Variants in DLG1 observed in about 807,000 individuals in gnomAD.
DLG1 encodes disks large homolog 1.
Under a neutral mutation model 123.4 loss-of-function variants are expected in DLG1, and 42 were observed. The observed-to-expected ratio is 0.34, with a 90% CI of 0.27 to 0.44. The LOEUF (loss-of-function observed/expected upper bound fraction) is 0.44, where lower values mean the gene tolerates loss of function less well. Ranked by LOEUF, DLG1 falls within the 20% of genes least tolerant of loss-of-function variation. The pLI is 1.00. For missense variants in DLG1, 942 were observed against 1,082.6 expected (o/e 0.87, Z 1.82); for synonymous variants, 317 against 356.2 (o/e 0.89, Z 1.24).
intron 13 of DLG1, among the ~76,000 whole-genome samples, chr3:197,113,782 A>T (rs1432567100): frequency 6.6e-6 from 1 of 152,198 alleles, no homozygotes; most frequent in African/African-American, 2.4e-5. Flanking sequence ...GATAAGATAT[A>T]GTTAAGATAC....
At chr3:197,127,882 T>C (rs187299127) in intron 11 of DLG1, among the ~76,000 whole-genome samples, 15 of 148,308 alleles carry the variant, frequency 1.0e-4, no homozygotes, top group African/African-American at 3.2e-4. Flanking sequence ...AAAAATACAA[T>C]GTACAGGCCT....
At chr3:197,188,212 C>G (rs1470702501) in intron 5 of DLG1, among the ~76,000 whole-genome samples, 3 of 152,184 alleles carry the variant, frequency 2.0e-5, no homozygotes, top group Non-Finnish European at 4.4e-5. Flanking sequence ...TCTACAGTTT[C>G]TTGTGATTGT....
At chr3:197,241,751 G>A (rs1332162667) in intron 4 of DLG1, among the ~76,000 whole-genome samples, 3 of 152,124 alleles carry the variant, frequency 2.0e-5, no homozygotes, top group Non-Finnish European at 4.4e-5. Flanking sequence ...CTATTCTTTT[G>A]TGATCTAAGA....
chr3:197,273,387 G>A (rs913870265), intron 4 of DLG1, among the ~76,000 whole-genome samples: 6 of 151,618 alleles, frequency 4.0e-5, no homozygotes, highest in Admixed American at 1.3e-4. Context: ...ACAGGTGCCC[G>A]CCACAACAAC....
chr3:197,294,511 A>G (rs1280378596), intron 3 of DLG1, among the ~76,000 whole-genome samples: 1 of 152,108 alleles, frequency 6.6e-6, no homozygotes, highest in East Asian at 1.9e-4. Context: ...ATAAAAAATT[A>G]GCCGGACGTG....
At position 197,298,586 on chromosome 3, in the gene DLG1, G is replaced by A. The variant is rs1428120392; in HGVS notation, c.-82C>T. ...CAGTGCCGTTTCCAACTCCGCGGCA[G>A]AGACAGCGCCTGGCGACCCCGGGGG... On this transcript the variant is annotated 5_prime_UTR_variant, in exon 1 of 25. Transcript: ENST00000667157. The A allele has an allele frequency of 2.5e-6, 1 of 398,240 alleles. No homozygotes were observed. Among genetic ancestry groups the A allele is most frequent in the African/African-American group, 2.1e-5 (1 of 48,580 alleles). The allele number at this position is 398,240 out of a possible 1,614,324, so 24.7% of individuals were successfully genotyped here. A position where few individuals can be genotyped will look rare whatever the true frequency, so the allele number is the denominator to read the frequency against.
chr3:197,082,773 C>T (rs1299580349), intron 16 of DLG1, among the ~76,000 whole-genome samples: 1 of 152,142 alleles, frequency 6.6e-6, no homozygotes, highest in African/African-American at 2.4e-5. Context: ...TTCTGCAATG[C>T]TACTCATGAA....
chr3:197,066,832 A>G, intron 19 of DLG1, 78 bp from the exon 20 acceptor site: 1 of 944,730 alleles, frequency 1.1e-6, no homozygotes, highest in African/African-American at 1.7e-5. Context: ...AACAACATAT[A>G]CATTACTAGA....
intron 3 of DLG1, among the ~76,000 whole-genome samples, chr3:197,288,893 A>G (rs997488184): frequency 1.8e-4 from 27 of 152,224 alleles, no homozygotes; most frequent in African/African-American, 5.3e-4. Flanking sequence ...CAACTGCAGT[A>G]TATCTCCCCT....
In DLG1 at chr3:197,067,844, G is replaced by A. The variant is rs367756460; in HGVS notation, c.2048-1090C>T. 9.9e-5 allele frequency among the ~76,000 whole-genome samples: 15 copies of A among 152,184 alleles called. 1 individual carries two copies. Among genetic ancestry groups the A allele is most frequent in the African/African-American group, 3.1e-4 (13 of 41,524 alleles). ...AGTGCTGGGATTACAGGCGTGAGCC[G>A]CCGCGCCCGGCCAAAAACTCTAGGA... On this transcript the variant is annotated intron_variant, in intron 19 of 24. Transcript: ENST00000667157.
At chr3:197,059,353 T>C (rs1734188241) in intron 23 of DLG1, among the ~76,000 whole-genome samples, 1 of 152,236 alleles carries the variant, frequency 6.6e-6, no homozygotes, top group Non-Finnish European at 1.5e-5. Flanking sequence ...TCCCATAGCC[T>C]AATTTTTAAG....
intron 15 of DLG1, among the ~76,000 whole-genome samples, chr3:197,086,812 G>T (rs1754659311): frequency 6.6e-6 from 1 of 152,034 alleles, no homozygotes; most frequent in Non-Finnish European, 1.5e-5. Context: ...AGAAAATAAA[G>T]TACCTTAAGA....
At position 197,296,349 on chromosome 3, in the gene DLG1, T is replaced by A; in HGVS notation, c.148A>T (p.Ile50Leu). The A allele has an allele frequency of 6.2e-7, 1 of 1,613,198 alleles. No homozygotes were observed. The highest frequency in any genetic ancestry group is 2.2e-5 in the East Asian group (1 of 44,834). ...IFQSNLFQAL[I>L]DIQEFYEVTL... is the part of the protein sequence containing the mutation. ...GTTACGAAGTTTTAATTCCCACCTATTAAAGCCTGAAAGAGGTTGCTCTGA... is the reference window on the plus strand; with the variant it reads ...GTTACGAAGTTTTAATTCCCACCTAATAAAGCCTGAAAGAGGTTGCTCTGA... Residue 50 changes from isoleucine (I) to leucine (L), a missense_variant, in exon 3 of 25, where the codon ATA becomes TTA. Transcript: ENST00000667157.
At chr3:197,227,467 T>TC (rs1167205181) in intron 4 of DLG1, among the ~76,000 whole-genome samples, 1 of 149,936 alleles carries the variant, frequency 6.7e-6, no homozygotes, top group Non-Finnish European at 1.5e-5. Context: ...AGAGTGAGAC[T>TC]CCATCTCAAA....
chr3:197,130,047 A>T (rs988470447), intron 11 of DLG1, among the ~76,000 whole-genome samples: 1 of 152,206 alleles, frequency 6.6e-6, no homozygotes, highest in Non-Finnish European at 1.5e-5. Context: ...TGAAGAAAAA[A>T]GGTGCTGATA....
rs115223703 is a variant in DLG1, at chr3:197,209,998, A to T, written c.319-15409T>A. On this transcript the variant is annotated intron_variant, in intron 4 of 24. Transcript: ENST00000667157. ...GACAAATGGAAACTCCTCATTTGGA[A>T]ATTTTCTGGACTTTTATCTCTCCCA... 2.4e-3 allele frequency among the ~76,000 whole-genome samples: 358 copies of T among 146,380 alleles called. 9 individuals carry two copies. Among genetic ancestry groups the T allele is most frequent in the African/African-American group, 8.4e-3 (346 of 41,238 alleles).
At chr3:197,045,782 T>A (rs1487686938) in intron 24 of DLG1, among the ~76,000 whole-genome samples, 1 of 152,046 alleles carries the variant, frequency 6.6e-6, no homozygotes, top group Non-Finnish European at 1.5e-5. Flanking sequence ...ATGAAATAAT[T>A]GAGAATTGCA....
At chr3:197,075,525 T>TA (rs1303369584) in intron 18 of DLG1, among the ~76,000 whole-genome samples, 2 of 151,906 alleles carry the variant, frequency 1.3e-5, no homozygotes, top group African/African-American at 4.8e-5. Context: ...AGGGTACATT[T>TA]AAAAAAATCT....
At chr3:197,190,967 G>A (rs946344357) in intron 5 of DLG1, among the ~76,000 whole-genome samples, 7 of 152,092 alleles carry the variant, frequency 4.6e-5, no homozygotes, top group African/African-American at 9.7e-5. Context: ...CCGAGATCGC[G>A]CCACTGCACT....
Sources: gnomAD v4.1 joint callset for allele counts (sites outside exome capture counted in the v4.1 genomes callset) on GRCh38, gnomAD v4.1.1 for gene constraint, MANE v1.5 for transcripts, NCBI Gene and HGNC (gene_info 2026-07-23, HGNC 2026-07-21) for gene names.